NKIRAS1: variants seen among roughly 807,000 people sequenced by gnomAD.
NKIRAS1 encodes NFKB inhibitor interacting Ras like 1, also known as NF-kappa-B inhibitor-interacting Ras-like protein 1.
NKIRAS1 carries 16 observed loss-of-function variants against 19.8 expected under a neutral mutation model. The ratio of observed to expected loss-of-function variants is 0.81; its 90% CI spans 0.55 to 1.23. The LOEUF is 1.23. NKIRAS1 is among the 50% of genes most tolerant of loss of function. NKIRAS1 has a pLI of 0.00. For synonymous variants in NKIRAS1, 88 were observed against 79.0 expected, an observed-to-expected ratio of 1.11 and a Z score of -0.61; for missense variants, 184 against 220.0, an observed-to-expected ratio of 0.84 and a Z score of 1.04.
intron 1 of NKIRAS1, among the ~76,000 whole-genome samples, chr3:23,944,818 G>A (rs990685728): frequency 6.6e-6 from 1 of 151,072 alleles, no homozygotes; most frequent in African/African-American, 2.4e-5. Flanking sequence ...AGCGTTTGGA[G>A]GTCGGTCGGG....
chr3:23,900,372 C>T (rs1702394526), intron 4 of NKIRAS1, among the ~76,000 whole-genome samples: 1 of 151,656 alleles, frequency 6.6e-6, no homozygotes, highest in Non-Finnish European at 1.5e-5. Context: ...GAGCGGCTCA[C>T]ACGTGTAATC....
chr3:23,925,303 A>C (rs546795619), intron 1 of NKIRAS1, among the ~76,000 whole-genome samples: 1 of 152,176 alleles, frequency 6.6e-6, no homozygotes, highest in Non-Finnish European at 1.5e-5. Flanking sequence ...TGTCACTGAC[A>C]TTGCTTAGCA....
At chr3:23,917,717 C>T (rs949888010), upstream of NKIRAS1, 28 of 885,498 alleles carry the variant, frequency 3.2e-5, no homozygotes, top group Non-Finnish European at 4.3e-5. Flanking sequence ...GCTAGCTGTC[C>T]CCGGCAGTTG....
chr3:23,924,579 T>C (rs1705178017), intron 1 of NKIRAS1, among the ~76,000 whole-genome samples: 1 of 152,086 alleles, frequency 6.6e-6, no homozygotes, highest in Admixed American at 6.6e-5. Context: ...TTTGTACTTT[T>C]AGTAGAGGCG....
At chr3:23,919,452 G>A (rs764132899), upstream of NKIRAS1, 174 of 1,603,506 alleles carry the variant, frequency 1.1e-4, no homozygotes, top group Middle Eastern at 1.2e-3. Context: ...GGCTCTCGCC[G>A]GGCAGCTTGG....
chr3:23,944,405 A>ATT (rs1705571885), intron 1 of NKIRAS1, among the ~76,000 whole-genome samples: 1 of 152,224 alleles, frequency 6.6e-6, no homozygotes, highest in South Asian at 2.1e-4. Flanking sequence ...ACATCTTACC[A>ATT]TATCATCTAT....
upstream of NKIRAS1, chr3:23,918,124 T>G (rs1351670216): frequency 2.7e-6 from 4 of 1,462,240 alleles, no homozygotes; most frequent in South Asian, 5.4e-5. Context: ...CTCAGTGTCT[T>G]TCTTCGCATA....
intron 1 of NKIRAS1, chr3:23,924,021 T>C (rs1269849517): frequency 6.6e-6 from 1 of 152,142 alleles, no homozygotes; most frequent in Non-Finnish European, 1.5e-5. Context: ...TCATATTACT[T>C]CCCTCCAAGA....
rs1701537922 is a variant in NKIRAS1, at chr3:23,892,442, A to G, written c.*653T>C. On this transcript the variant is annotated 3_prime_UTR_variant, in exon 5 of 5. Transcript: ENST00000425478. ...TTTGCCCTCAAGTATCTGGTCTATC[A>G]ACAGGGGTCTGGCTAAGGAAAAAAC... is the stretch of plus-strand genomic sequence containing the variant. The G allele has an allele frequency of 1.3e-5, 2 of 152,204 alleles. No individual in the cohort carries two copies. The highest frequency in any genetic ancestry group is 1.3e-4 in the Admixed American group (2 of 15,278). The allele number at this position is 152,204 out of a possible 1,614,324, so 9.4% of individuals were successfully genotyped here.
At chr3:23,902,302 T>C (rs1702600313) in intron 3 of NKIRAS1, among the ~76,000 whole-genome samples, 1 of 152,092 alleles carries the variant, frequency 6.6e-6, no homozygotes, top group South Asian at 2.1e-4. Flanking sequence ...AAGTATTAGA[T>C]TAAAAGGAAT....
intron 3 of NKIRAS1, among the ~76,000 whole-genome samples, chr3:23,906,476 C>T (rs1575086492): frequency 6.6e-6 from 1 of 152,196 alleles, no homozygotes; most frequent in East Asian, 1.9e-4. Context: ...CAGATTTGAA[C>T]TTCACATGTC....
intron 1 of NKIRAS1, among the ~76,000 whole-genome samples, chr3:23,935,101 G>T (rs560382763): frequency 6.6e-6 from 1 of 151,870 alleles, no homozygotes; most frequent in Non-Finnish European, 1.5e-5. Flanking sequence ...GCCCAGGCTG[G>T]TCTCAAACTC....
intron 1 of NKIRAS1, chr3:23,916,057 T>C (rs1704356561): frequency 6.6e-6 from 1 of 152,170 alleles, no homozygotes; most frequent in African/African-American, 2.4e-5. Context: ...TAATAAATAT[T>C]TGTTGAATCA....
Position 23,940,862 on chromosome 3 carries a change from G to A in NKIRAS1, c.-140+5461C>T, listed in dbSNP as rs139666927. On this transcript the variant is annotated intron_variant, in intron 1 of 4. Transcript: ENST00000421515. ...TACGTCACAAATGTCATGATGAACG[G>A]CAACTGCAATTTGCTGTGTCACAGC... 2.3e-3 allele frequency among the ~76,000 whole-genome samples: 349 copies of A among 152,282 alleles called. 1 individual carries two copies. Among genetic ancestry groups the A allele is most frequent in the African/African-American group, 7.7e-3 (322 of 41,562 alleles).
At chr3:23,910,966 T>C in intron 2 of NKIRAS1, 45 bp from the exon 3 acceptor site, 1 of 1,379,006 alleles carries the variant, frequency 7.3e-7, no homozygotes, top group South Asian at 1.2e-5. Context: ...ACTGTTGAAA[T>C]TAACCATTTC....
chr3:23,891,071 G>C lies in NKIRAS1; in HGVS notation c.*2024C>G, dbSNP rs972045263. 1 of 152,796 alleles carries C rather than the reference G, an allele frequency of 6.5e-6. No homozygotes were observed. The highest frequency in any genetic ancestry group is 1.5e-5 in the Non-Finnish European group (1 of 68,248). 9.5% of individuals were successfully genotyped at this position (152,796 alleles called of 1,614,324 possible). A position where few individuals can be genotyped will look rare whatever the true frequency, so the allele number is the denominator to read the frequency against. On this transcript the variant is annotated 3_prime_UTR_variant, in exon 5 of 5. Transcript: ENST00000425478. Reference sequence around the variant, plus strand: ...ATTGTCATCTCATATATATAAAATGGACACGTGGCTATAAAACACCATATA... The same window carrying C: ...ATTGTCATCTCATATATATAAAATGCACACGTGGCTATAAAACACCATATA...
chr3:23,897,949 G>C (rs1189002788), intron 4 of NKIRAS1, among the ~76,000 whole-genome samples: 1 of 152,166 alleles, frequency 6.6e-6, no homozygotes, highest in Non-Finnish European at 1.5e-5. Context: ...GAATTAATAC[G>C]ATTATGGGGA....
At chr3:23,917,869 T>G, upstream of NKIRAS1, 1 of 1,609,194 alleles carries the variant, frequency 6.2e-7, no homozygotes, top group Non-Finnish European at 8.5e-7. Context: ...GATGGGTGCA[T>G]ACAAGTACAT....
chr3:23,904,834 G>A (rs557284249), intron 3 of NKIRAS1, among the ~76,000 whole-genome samples: 1 of 152,264 alleles, frequency 6.6e-6, no homozygotes, highest in South Asian at 2.1e-4. Context: ...CAGGATACAT[G>A]TACAATAATG....
Sources: allele counts gnomAD v4.1 joint callset (sites outside exome capture counted in the v4.1 genomes callset), GRCh38; gene constraint gnomAD v4.1.1; transcripts MANE v1.5; gene names NCBI Gene and HGNC (gene_info 2026-07-23, HGNC 2026-07-21).